The following SREK1 variants were observed in gnomAD, a reference collection of about 807,000 sequenced individuals.
SREK1 encodes the protein splicing regulatory glutamic acid and lysine rich protein 1.
Under a neutral mutation model 66.5 loss-of-function variants are expected in SREK1, and 13 were observed. That is an observed-to-expected ratio of 0.20 (90% CI 0.13 to 0.31). The LOEUF is 0.31. Ranked by LOEUF, SREK1 falls within the 10% of genes least tolerant of loss-of-function variation. SREK1 has a pLI of 1.00. For synonymous variants in SREK1, 265 were observed against 263.5 expected, an observed-to-expected ratio of 1.01 and a Z score of -0.05; for missense variants, 607 against 769.6, an observed-to-expected ratio of 0.79 and a Z score of 2.50.
At chr5:66,158,725 C>A in intron 2 of SREK1, 3 of 1,126,314 alleles carry the variant, frequency 2.7e-6, no homozygotes, top group South Asian at 2.9e-5. Flanking sequence ...TTTTTTTTGA[C>A]TAATTTGGTT....
chr5:66,181,611 G>A lies in SREK1; in HGVS notation c.*2743G>A, dbSNP rs996968814. The A allele has an allele frequency of 2.0e-5, 3 of 152,136 alleles. No homozygotes were observed. Among genetic ancestry groups the A allele is most frequent in the Non-Finnish European group, 4.4e-5 (3 of 68,026 alleles). 9.4% of individuals were successfully genotyped at this position (152,136 alleles called of 1,614,324 possible). ...ACAAATTCTGTTGCCTTTCAGCAAC[G>A]TATGCTGAACTAGTATCATAAGATG... is the stretch of plus-strand genomic sequence containing the variant. On this transcript the variant is annotated 3_prime_UTR_variant, in exon 12 of 12. Coordinates refer to ENST00000334121, the MANE Select transcript of SREK1 (RefSeq NM_001077199.3).
At chr5:66,152,034 A>G (rs1302932365) in intron 1 of SREK1, among the ~76,000 whole-genome samples, 1 of 151,166 alleles carries the variant, frequency 6.6e-6, no homozygotes, top group African/African-American at 2.4e-5. Context: ...TTTAGTAGAG[A>G]CGGGGTTTCA....
rs1364303226 is a variant in SREK1, at chr5:66,144,398, G to T, written c.22G>T (p.Gly8Cys). 6.5e-7 allele frequency: 1 copy of T among 1,549,860 alleles called. No homozygotes were observed. Among genetic ancestry groups the T allele is most frequent in the Non-Finnish European group, 8.7e-7 (1 of 1,146,048 alleles). Reference sequence around the variant, plus strand: ...CGGGATGAACAGCGGCGGCGGCTTCGGTTTGGGCTTAGGCTTCGGCCTCAC... The same window carrying T: ...CGGGATGAACAGCGGCGGCGGCTTCTGTTTGGGCTTAGGCTTCGGCCTCAC... MNSGGGF[G>C]LGLGFGLTPT... Residue 8 changes from glycine to cysteine, a missense_variant, in exon 1 of 12, where the codon GGT (glycine) becomes TGT (cysteine). Coordinates refer to ENST00000334121, the MANE Select transcript of SREK1 (RefSeq NM_001077199.3).
intron 7 of SREK1, chr5:66,169,834 T>C (rs967856331): frequency 6.3e-6 from 2 of 319,652 alleles, no homozygotes; most frequent in African/African-American, 2.2e-5. Flanking sequence ...TCTGAAAATA[T>C]ACGAAATAAC....
At chr5:66,160,059 G>C (rs955529274) in intron 3 of SREK1, among the ~76,000 whole-genome samples, 2 of 152,170 alleles carry the variant, frequency 1.3e-5, no homozygotes, top group African/African-American at 4.8e-5. Context: ...GAGCCTGGGA[G>C]GCGGAGCTTG....
chr5:66,157,580 T>G, intron 2 of SREK1: 4 of 969,016 alleles, frequency 4.1e-6, no homozygotes, highest in Non-Finnish European at 4.9e-6. Context: ...TGGGTATATA[T>G]AAATACATGT....
At chr5:66,165,384 T>G (rs1328536859) in intron 7 of SREK1, 1 of 154,328 alleles carries the variant, frequency 6.5e-6, no homozygotes, top group Non-Finnish European at 1.4e-5. Flanking sequence ...ACACTTTGAG[T>G]CCTTGGTATT....
chr5:66,164,014 C>G (rs958841701), intron 6 of SREK1, 92 bp downstream of exon 6: 15 of 1,435,068 alleles, frequency 1.0e-5, no homozygotes, highest in Non-Finnish European at 1.4e-5. Context: ...TGTTCAGTCA[C>G]TTCATTTTAC....
chr5:66,160,621 A>C (rs1263973668), intron 3 of SREK1, among the ~76,000 whole-genome samples: 1 of 152,206 alleles, frequency 6.6e-6, no homozygotes, highest in Non-Finnish European at 1.5e-5. Flanking sequence ...TAAGGTAATT[A>C]GAAACCATTG....
intron 1 of SREK1, chr5:66,145,211 G>T: frequency 2.1e-6 from 2 of 968,472 alleles, no homozygotes; most frequent in Non-Finnish European, 2.5e-6. Flanking sequence ...TATCCCTCCC[G>T]TATACATTTA....
rs1744042024 is a variant in SREK1 at position 66,153,697 on chromosome 5, G to A, written c.295+101G>A. 16 of 1,432,304 alleles carry A rather than the reference G, an allele frequency of 1.1e-5. No homozygotes were observed. The East Asian group carries it at 3.1e-4, about 27-fold the overall frequency. 88.7% of individuals were successfully genotyped at this position (1,432,304 alleles called of 1,614,324 possible). On this transcript the variant is annotated intron_variant, in intron 2 of 11. Coordinates refer to ENST00000334121, the MANE Select transcript of SREK1 (RefSeq NM_001077199.3). The stretch of plus-strand genomic sequence containing the variant: ...GGCAAGTAGACAGTACTCTTGGTGT[G>A]TGTGTGAAAGTAAGAATGAAATTTG...
intron 7 of SREK1, chr5:66,167,188 G>T (rs1745247318): frequency 6.6e-6 from 1 of 152,086 alleles, no homozygotes; most frequent in African/African-American, 2.4e-5. Context: ...TGTTCCTTCC[G>T]CTTCTTATGG....
intron 2 of SREK1, among the ~76,000 whole-genome samples, chr5:66,154,887 C>G (rs756251195): frequency 6.6e-6 from 1 of 152,092 alleles, no homozygotes; most frequent in South Asian, 2.1e-4. Context: ...TGAATGGTTT[C>G]GTTCTACAAA....
chr5:66,155,013 G>C (rs74477810), intron 2 of SREK1, among the ~76,000 whole-genome samples: 2 of 152,116 alleles, frequency 1.3e-5, no homozygotes, highest in Non-Finnish European at 2.9e-5. Context: ...ATAACACTGG[G>C]TCTTTTATTG....
intron 9 of SREK1, among the ~76,000 whole-genome samples, chr5:66,173,371 C>T (rs1256431878): frequency 6.6e-6 from 1 of 152,156 alleles, no homozygotes; most frequent in Non-Finnish European, 1.5e-5. Context: ...TTATTGAGCA[C>T]CTACTCTGTG....
At chr5:66,164,161 G>T in intron 6 of SREK1, 1 of 410,292 alleles carries the variant, frequency 2.4e-6, no homozygotes, top group Non-Finnish European at 4.3e-6. Context: ...TATTTTCATA[G>T]CAAAATCAGT....
At chr5:66,154,400 A>G (rs1396600210) in intron 2 of SREK1, among the ~76,000 whole-genome samples, 1 of 152,228 alleles carries the variant, frequency 6.6e-6, no homozygotes, top group East Asian at 1.9e-4. Flanking sequence ...ACTGACTAGC[A>G]TGTGTACAGG....
chr5:66,178,986 TTTTCC>T lies in SREK1; in HGVS notation c.*119_*123del. 4 of 1,172,864 alleles carry T rather than the reference TTTTCC, an allele frequency of 3.4e-6. No individual in the cohort carries two copies. The highest frequency in any genetic ancestry group is 4.5e-6 in the Non-Finnish European group (4 of 888,258). 72.7% of individuals were successfully genotyped at this position (1,172,864 alleles called of 1,614,324 possible). A position where few individuals can be genotyped will look rare whatever the true frequency, so the allele number is the denominator to read the frequency against. ...GAGCATGAAGATAGGATCTAACAGC[TTTTCC>T]AGTTGTTAGATGACTTTGTGGCCAT... On this transcript the variant is annotated 3_prime_UTR_variant, in exon 12 of 12. Transcript: ENST00000334121.
Position 66,170,767 on chromosome 5 carries a change from G to A in SREK1, c.1304G>A (p.Arg435Lys). The A allele has an allele frequency of 6.2e-7, 1 of 1,601,402 alleles. No individual in the cohort carries two copies. Among genetic ancestry groups the A allele is most frequent in the South Asian group, 1.1e-5 (1 of 89,820 alleles). The change falls in exon 9 of 12, where the codon AGA (arginine) becomes AAA (lysine). Residue 435 changes from arginine (R) to lysine (K), a missense_variant. Arg to Lys is a conservative substitution (Grantham distance 26). Around this residue, in one of 5 missense-constraint regions of SREK1, gnomAD observed 318 missense variants for 310.3 expected, o/e 1.02. Transcript: ENST00000334121. ...REKDKEKDRE[R>K]EREKEHEKDR... is the part of the protein sequence containing the mutation. Reference sequence around the variant, plus strand: ...AAAGACAAGGAAAAGGACAGAGAGAGAGAACGGGAAAAAGAGCATGAGAAG... The same window carrying A: ...AAAGACAAGGAAAAGGACAGAGAGAAAGAACGGGAAAAAGAGCATGAGAAG...
Sources: gnomAD v4.1 joint callset for allele counts (sites outside exome capture counted in the v4.1 genomes callset) on GRCh38, gnomAD v4.1.1 for gene constraint, gnomAD v4.1.1 regional missense constraint, MANE v1.5 for transcripts, NCBI Gene and HGNC (gene_info 2026-07-23, HGNC 2026-07-21) for gene names.